Variants in PHKB observed in about 807,000 individuals in gnomAD.
PHKB encodes the protein phosphorylase kinase regulatory subunit beta.
PHKB carries 122 observed loss-of-function variants against 152.1 expected under a neutral mutation model. The ratio of observed to expected loss-of-function variants is 0.80; its 90% confidence interval spans 0.69 to 0.93. The LOEUF (loss-of-function observed/expected upper bound fraction) is 0.93, where lower values mean the gene tolerates loss of function less well. Among genes scored for constraint, PHKB ranks in the 40% least tolerant of loss-of-function variants. The probability of loss-of-function intolerance (pLI) is 0.00; values close to 1 mark genes in which losing one functional copy is unlikely to be tolerated. For synonymous variants in PHKB, 436 were observed against 464.9 expected (o/e 0.94, Z 0.80); for missense variants, 1,304 against 1,328.4 (o/e 0.98, Z 0.29).
intron 1 of PHKB, among the ~76,000 whole-genome samples, chr16:47,465,468 G>A (rs1969651938): frequency 6.6e-6 from 1 of 152,140 alleles, no homozygotes; most frequent in African/African-American, 2.4e-5. Flanking sequence ...TTCCTGTACT[G>A]TATCATCAAA....
At chr16:47,504,336 G>A (rs554241324) in intron 4 of PHKB, among the ~76,000 whole-genome samples, 4 of 152,312 alleles carry the variant, frequency 2.6e-5, no homozygotes, top group Admixed American at 2.6e-4. Context: ...TTAGTGGTTG[G>A]TCATGTGGGT....
intron 25 of PHKB, 134 bp from the exon 26 acceptor site, chr16:47,669,081 A>G: frequency 1.5e-6 from 1 of 673,332 alleles, no homozygotes; most frequent in South Asian, 1.7e-5. Flanking sequence ...AATACCAGGA[A>G]CAGTTATTCT....
intron 13 of PHKB, among the ~76,000 whole-genome samples, chr16:47,599,784 A>G (rs542393487): frequency 2.6e-5 from 4 of 152,342 alleles, no homozygotes; most frequent in South Asian, 4.1e-4. Flanking sequence ...GAAATATTGC[A>G]TATTCATTAG....
chr16:47,569,886 G>A (rs1398309544), intron 7 of PHKB, among the ~76,000 whole-genome samples: 1 of 152,188 alleles, frequency 6.6e-6, no homozygotes, highest in Non-Finnish European at 1.5e-5. Flanking sequence ...GCCTCCCAAA[G>A]TGCTGGTATT....
chr16:47,574,421 A>AT (rs997643345), intron 7 of PHKB, among the ~76,000 whole-genome samples: 25 of 152,164 alleles, frequency 1.6e-4, no homozygotes, highest in African/African-American at 5.3e-4. Context: ...AGTTTCTTTC[A>AT]TTTTTTCTGT....
chr16:47,642,862 C>T (rs1185122049), intron 16 of PHKB, among the ~76,000 whole-genome samples: 1 of 152,152 alleles, frequency 6.6e-6, no homozygotes, highest in Non-Finnish European at 1.5e-5. Context: ...AATTTAAACT[C>T]ACGCCCAGAT....
At chr16:47,686,477 A>T (rs1973967053) in intron 26 of PHKB, among the ~76,000 whole-genome samples, 1 of 152,200 alleles carries the variant, frequency 6.6e-6, no homozygotes, top group Non-Finnish European at 1.5e-5. Flanking sequence ...TGACTCTTTA[A>T]CATTTCAGAG....
At chr16:47,673,669 G>A (rs1032377060) in intron 26 of PHKB, among the ~76,000 whole-genome samples, 8 of 152,070 alleles carry the variant, frequency 5.3e-5, no homozygotes, top group South Asian at 2.1e-4. Flanking sequence ...TTTAAATAAC[G>A]TGATCATTGC....
intron 14 of PHKB, among the ~76,000 whole-genome samples, chr16:47,615,881 T>C (rs891154878): frequency 1.3e-5 from 2 of 152,240 alleles, no homozygotes; most frequent in Non-Finnish European, 1.5e-5. Flanking sequence ...TTATTGAGCA[T>C]TTATTTTTTA....
Position 47,698,601 on chromosome 16 carries a change from CTTTTTTTTTTTT to C in PHKB, c.3144+23_3144+34del. 2.7e-6 allele frequency: 2 copies of C among 730,290 alleles called. No homozygotes were observed. Among genetic ancestry groups the C allele is most frequent in the South Asian group, 2.2e-5 (1 of 44,552 alleles). The allele number at this position is 730,290 out of a possible 1,614,324, so 45.2% of individuals were successfully genotyped here. ...AATTGAAAAACAAGTAAGTACACAG[CTTTTTTTTTTTT>C]TTTTTTTTTGAGAATTTTTTCATTG... On this transcript the variant is annotated intron_variant, in intron 30 of 30. Transcript: ENST00000323584.
At chr16:47,493,906 C>T (rs1970190763) in intron 1 of PHKB, among the ~76,000 whole-genome samples, 1 of 152,160 alleles carries the variant, frequency 6.6e-6, no homozygotes, top group South Asian at 2.1e-4. Flanking sequence ...AAATGAAAGT[C>T]ACAAATCCGA....
intron 26 of PHKB, among the ~76,000 whole-genome samples, chr16:47,673,786 A>G (rs1219525127): frequency 6.6e-6 from 1 of 152,224 alleles, no homozygotes; most frequent in Non-Finnish European, 1.5e-5. Context: ...ATAATAGAAG[A>G]AGAATAAAAA....
chr16:47,461,447 G>GC (rs779834635), intron 1 of PHKB, 21 bp downstream of exon 1: 1 of 1,611,364 alleles, frequency 6.2e-7, no homozygotes, highest in South Asian at 1.1e-5. Context: ...CTGGGGCGCC[G>GC]CCCCCCACCC....
At chr16:47,502,842 C>T in intron 3 of PHKB, 149 bp from the exon 4 acceptor site, 1 of 648,532 alleles carries the variant, frequency 1.5e-6, no homozygotes, top group South Asian at 1.7e-5. Flanking sequence ...TCTACTTTTG[C>T]TGGGAAAATG....
At chr16:47,593,226 A>G in intron 10 of PHKB, among the ~76,000 whole-genome samples, 1 of 137,634 alleles carries the variant, frequency 7.3e-6, no homozygotes, top group African/African-American at 2.7e-5. Context: ...AGAAAGAGGG[A>G]AGGAGGGAGG....
chr16:47,503,784 A>G (rs937388803), intron 4 of PHKB, among the ~76,000 whole-genome samples: 4 of 152,152 alleles, frequency 2.6e-5, no homozygotes, highest in African/African-American at 9.7e-5. Context: ...AGCCAAGATC[A>G]TGCCAATGCA....
chr16:47,556,251 G>T (rs532796160), intron 7 of PHKB, among the ~76,000 whole-genome samples: 31 of 152,112 alleles, frequency 2.0e-4, no homozygotes, highest in Non-Finnish European at 3.4e-4. Flanking sequence ...CTAATTGAAT[G>T]CCCTTTATTT....
At chr16:47,480,042 A>G (rs1048095117) in intron 1 of PHKB, among the ~76,000 whole-genome samples, 1 of 152,088 alleles carries the variant, frequency 6.6e-6, no homozygotes, top group African/African-American at 2.4e-5. Flanking sequence ...GGAAATGAGT[A>G]TATATATATA....
At chr16:47,588,695 A>G (rs1971976060) in intron 9 of PHKB, among the ~76,000 whole-genome samples, 1 of 152,214 alleles carries the variant, frequency 6.6e-6, no homozygotes, top group African/African-American at 2.4e-5. Context: ...AGCCCGTTGA[A>G]TCTTGAAAAT....
Sources: allele counts gnomAD v4.1 joint callset (sites outside exome capture counted in the v4.1 genomes callset), GRCh38; gene constraint gnomAD v4.1.1; transcripts MANE v1.5; gene names NCBI Gene and HGNC (gene_info 2026-07-23, HGNC 2026-07-21).